Variants in FAT3 observed in about 807,000 individuals in gnomAD.
The protein encoded by FAT3 is protocadherin Fat 3.
In FAT3, 95 loss-of-function variants were observed where a neutral mutation model predicts 310.2. The observed-to-expected ratio is 0.31, with a 90% CI of 0.26 to 0.36. The LOEUF is 0.36. Among genes scored for constraint, FAT3 ranks in the 10% least tolerant of loss-of-function variants. The pLI is 1.00. For missense variants in FAT3, 5,408 were observed against 5,715.6 expected, an observed-to-expected ratio of 0.95 and a Z score of 1.74; for synonymous variants, 2,314 against 2,192.9, an observed-to-expected ratio of 1.06 and a Z score of -1.54.
intron 2 of FAT3, chr11:92,366,552 C>T (rs577898009): frequency 2.0e-6 from 1 of 503,806 alleles, no homozygotes; most frequent in South Asian, 1.5e-5. Flanking sequence ...CCGATCATCC[C>T]CCAAGAACTG....
rs1271846333 is a variant in FAT3 at position 92,800,990 on chromosome 11, G to A, written c.7977G>A (p.Trp2659Ter). The A allele has an allele frequency of 6.2e-7, 1 of 1,613,348 alleles. No homozygotes were observed. The highest frequency in any genetic ancestry group is 2.2e-5 in the East Asian group (1 of 44,824). The change falls in exon 10 of 28, where the codon TGG (tryptophan) becomes TGA (stop). Residue 2659 changes from tryptophan (W) to a stop codon, truncating the protein, a stop_gained. Coordinates refer to ENST00000525166, the MANE Select transcript of FAT3 (RefSeq NM_001367949.2). LOFTEE classifies it high-confidence loss of function. Reference sequence around the variant, plus strand: ...TGGAAATCGATCCTGACAATGGCTGGATGGTCACAAAGGGTAATTTTAACC... The same window carrying A: ...TGGAAATCGATCCTGACAATGGCTGAATGGTCACAAAGGGTAATTTTAACC... ...DLLEIDPDNGWMVTKGNFNQL... is the reference protein window; with the variant it reads ...DLLEIDPDNG
Position 92,797,978 on chromosome 11 carries a change from A to G in FAT3, c.4965A>G (p.Ala1655=), listed in dbSNP as rs1435686226. The G allele has an allele frequency of 6.2e-7, 1 of 1,613,938 alleles. No individual in the cohort carries two copies. Among genetic ancestry groups the G allele is most frequent in the Non-Finnish European group, 8.5e-7 (1 of 1,179,854 alleles). ...DQGSPPMSAT[A]IVRISVTMSD... is the part of the protein sequence containing the mutation. ...GATCCCCGCCAATGTCTGCTACTGC[A>G]ATTGTGCGCATTTCCGTCACCATGT... The change falls in exon 10 of 28, where the codon GCA becomes GCG. Residue 1655 remains alanine (A), a synonymous_variant. Transcript: ENST00000525166.
chr11:92,385,747 A>G (rs1472050975), intron 2 of FAT3, among the ~76,000 whole-genome samples: 3 of 152,144 alleles, frequency 2.0e-5, no homozygotes, highest in African/African-American at 7.2e-5. Flanking sequence ...TGTAGCAACT[A>G]TTTTCATTGC....
intron 2 of FAT3, among the ~76,000 whole-genome samples, chr11:92,486,335 A>G (rs570048026): frequency 6.6e-6 from 1 of 151,522 alleles, no homozygotes; most frequent in African/African-American, 2.4e-5. Context: ...ATCTAGGCAG[A>G]TGGTGGTGTC....
chr11:92,762,766 A>G (rs1394865199), intron 5 of FAT3, among the ~76,000 whole-genome samples: 1 of 152,202 alleles, frequency 6.6e-6, no homozygotes, highest in African/African-American at 2.4e-5. Flanking sequence ...AAGCTCCTGT[A>G]TCTACAGTGC....
intron 3 of FAT3, among the ~76,000 whole-genome samples, chr11:92,532,872 G>T (rs183478840): frequency 1.8e-4 from 27 of 152,118 alleles, no homozygotes; most frequent in Non-Finnish European, 3.5e-4. Context: ...AGATGAAAAG[G>T]GGGGAAGAAA....
intron 11 of FAT3, 123 bp from the exon 12 acceptor site, chr11:92,806,239 G>GA: frequency 5.6e-6 from 5 of 885,528 alleles, no homozygotes; most frequent in South Asian, 3.4e-5. Context: ...TGTAGTGAAG[G>GA]AAAAAAATAA....
chr11:92,656,858 A>T (rs1434099450), intron 3 of FAT3, among the ~76,000 whole-genome samples: 5 of 152,132 alleles, frequency 3.3e-5, no homozygotes, highest in Admixed American at 3.3e-4. Context: ...TCTTCATAAA[A>T]TGTCTTTTAC....
In FAT3 at chr11:92,532,814, T is replaced by C. The variant is rs1954126127; in HGVS notation, c.3607+7866T>C. On this transcript the variant is annotated intron_variant, in intron 3 of 27. Coordinates refer to ENST00000525166, the MANE Select transcript of FAT3 (RefSeq NM_001367949.2). ...GCCAGCCTTCTGACGGATCAATATG[T>C]GGATTGTTTCATCATTGGAATGAAA... Among the ~76,000 whole-genome samples, 4 of 152,128 alleles carry C rather than the reference T, an allele frequency of 2.6e-5. No individual in the cohort carries two copies. In the South Asian group the frequency reaches 8.3e-4, roughly 31 times the overall value.
At chr11:92,317,959 C>A (rs1947509197) in intron 1 of FAT3, among the ~76,000 whole-genome samples, 1 of 152,128 alleles carries the variant, frequency 6.6e-6, no homozygotes, top group Non-Finnish European at 1.5e-5. Context: ...GGGAGTTATT[C>A]TCAATCTTCT....
rs563186262 is a variant in FAT3 at position 92,772,293 on chromosome 11, T to C, written c.4196-1748T>C. ...ATACAGGACTTATGAGGCAATTTTATGTCCTTTCTTTGAAAGTTTCCATGG... is the reference window on the plus strand; with the variant it reads ...ATACAGGACTTATGAGGCAATTTTACGTCCTTTCTTTGAAAGTTTCCATGG... On this transcript the variant is annotated intron_variant, in intron 6 of 27. Transcript: ENST00000525166. Among the ~76,000 whole-genome samples, 53 of 152,330 alleles carry C rather than the reference T, an allele frequency of 3.5e-4. 1 individual carries two copies. The South Asian group carries it at 0.011, about 30-fold the overall frequency.
chr11:92,782,520 C>T (rs1946780790), intron 7 of FAT3, among the ~76,000 whole-genome samples: 1 of 151,970 alleles, frequency 6.6e-6, no homozygotes. Flanking sequence ...TGCAGTGAGC[C>T]ATGATCACAC....
intron 3 of FAT3, among the ~76,000 whole-genome samples, chr11:92,582,600 A>C (rs1461105297): frequency 6.6e-6 from 1 of 152,030 alleles, no homozygotes; most frequent in Non-Finnish European, 1.5e-5. Flanking sequence ...GGCATTGGAT[A>C]ATTTTTCCAA....
At chr11:92,383,895 G>T (rs1028756914) in intron 2 of FAT3, among the ~76,000 whole-genome samples, 8 of 152,144 alleles carry the variant, frequency 5.3e-5, no homozygotes, top group African/African-American at 1.9e-4. Context: ...AAAGAAAAAT[G>T]AGATTTAATT....
At chr11:92,513,772 A>G (rs1000029235) in intron 2 of FAT3, among the ~76,000 whole-genome samples, 1 of 152,128 alleles carries the variant, frequency 6.6e-6, no homozygotes, top group Non-Finnish European at 1.5e-5. Context: ...CCATCAAGGT[A>G]TTTTTTAAGA....
At chr11:92,259,320 C>T (rs894723762) in intron 1 of FAT3, among the ~76,000 whole-genome samples, 7 of 151,946 alleles carry the variant, frequency 4.6e-5, no homozygotes, top group South Asian at 2.1e-4. Flanking sequence ...ACATTTAAAG[C>T]GGAAAAACAC....
chr11:92,391,173 TG>T (rs949761258), intron 2 of FAT3, among the ~76,000 whole-genome samples: 1 of 152,144 alleles, frequency 6.6e-6, no homozygotes, highest in African/African-American at 2.4e-5. Context: ...GAGACAAAAT[TG>T]TGTGCTTGTT....
At chr11:92,470,312 A>T (rs1951873109) in intron 2 of FAT3, among the ~76,000 whole-genome samples, 1 of 152,182 alleles carries the variant, frequency 6.6e-6, no homozygotes. Flanking sequence ...GGTGTTTTTG[A>T]ATCTGTTTTC....
intron 3 of FAT3, among the ~76,000 whole-genome samples, chr11:92,684,902 T>C (rs555630199): frequency 1.4e-4 from 21 of 152,224 alleles, no homozygotes; most frequent in Middle Eastern, 3.2e-3. Context: ...ACATGGATGA[T>C]ATATGCCTTT....
Sources: gnomAD v4.1 joint callset for allele counts (sites outside exome capture counted in the v4.1 genomes callset) on GRCh38, gnomAD v4.1.1 for gene constraint, MANE v1.5 for transcripts, NCBI Gene and HGNC (gene_info 2026-07-23, HGNC 2026-07-21) for gene names.